The following HACD1 variants were observed in gnomAD, a reference collection of about 807,000 sequenced individuals.
HACD1 encodes 3-hydroxyacyl-CoA dehydratase 1.
A neutral mutation model predicts 32.0 loss-of-function variants in HACD1; 41 were observed. The ratio of observed to expected loss-of-function variants is 1.28; its 90% CI spans 1.00 to 1.66. The LOEUF (loss-of-function observed/expected upper bound fraction) is 1.66. Among genes scored for constraint, HACD1 ranks in the 40% most tolerant of loss-of-function variants. The pLI, the probability that HACD1 is intolerant of heterozygous loss-of-function variation, is 0.00. For synonymous variants in HACD1, 142 were observed against 139.0 expected, an observed-to-expected ratio of 1.02 and a Z score of -0.15; for missense variants, 396 against 380.1, an observed-to-expected ratio of 1.04 and a Z score of -0.35.
chr10:17,591,976 A>AATT (rs1833933560), intron 6 of HACD1, among the ~76,000 whole-genome samples: 2 of 96,942 alleles, frequency 2.1e-5, no homozygotes, highest in African/African-American at 9.0e-5. Context: ...CCAGCTACTG[A>AATT]TTTTTTTTTT....
chr10:17,598,001 T>C (rs1554816135), intron 5 of HACD1, among the ~76,000 whole-genome samples: 1 of 152,088 alleles, frequency 6.6e-6, no homozygotes, highest in African/African-American at 2.4e-5. Context: ...GGCTCACACC[T>C]GTAATCCTAG....
chr10:17,612,043 C>A (rs1031672568), intron 1 of HACD1, among the ~76,000 whole-genome samples: 9 of 141,770 alleles, frequency 6.3e-5, no homozygotes, highest in Middle Eastern at 3.8e-3. Flanking sequence ...GAGGCTAATG[C>A]AGGAAGTCAC....
chr10:17,591,006 C>T (rs1229476942), intron 6 of HACD1, among the ~76,000 whole-genome samples: 1 of 152,056 alleles, frequency 6.6e-6, no homozygotes, highest in African/African-American at 2.4e-5. Context: ...AACTTAAATA[C>T]CTTGATAAAA....
chr10:17,613,045 T>C (rs1483495916), intron 1 of HACD1, among the ~76,000 whole-genome samples: 3 of 152,112 alleles, frequency 2.0e-5, no homozygotes, highest in Non-Finnish European at 4.4e-5. Context: ...TTTACATTTA[T>C]GTAAAATTTT....
chr10:17,602,405 T>G (rs1437430220), intron 4 of HACD1, among the ~76,000 whole-genome samples: 4 of 152,122 alleles, frequency 2.6e-5, no homozygotes, highest in Non-Finnish European at 4.4e-5. Context: ...TATCTTGACA[T>G]AGCAGCATGG....
rs1239895189 is a variant in HACD1, at chr10:17,603,976, C to G, written c.329G>C (p.Ser110Thr). Residue 110 changes from serine to threonine, a missense_variant, in exon 2 of 7, where the codon AGT (serine) becomes ACT (threonine). By Grantham distance (58) the Ser-to-Thr change is moderately conservative. Coordinates refer to ENST00000361271, the MANE Select transcript of HACD1 (RefSeq NM_014241.4). ...EKGTHRGLYK[S>T]IQKTLKFFQT... Reference sequence around the variant, plus strand: ...GAAAAATTTAAGTGTCTTCTGAATACTTTTATATAAACCTCTGTGTGTTCC... The same window carrying G: ...GAAAAATTTAAGTGTCTTCTGAATAGTTTTATATAAACCTCTGTGTGTTCC... 2 of 1,612,504 alleles carry G rather than the reference C, an allele frequency of 1.2e-6. No individual in the cohort carries two copies. The highest frequency in any genetic ancestry group is 1.7e-6 in the Non-Finnish European group (2 of 1,179,530).
intron 4 of HACD1, among the ~76,000 whole-genome samples, chr10:17,599,840 G>T (rs1433969485): frequency 6.6e-6 from 1 of 152,124 alleles, no homozygotes; most frequent in Non-Finnish European, 1.5e-5. Context: ...CTTGACTACT[G>T]TAACTGTTTC....
intron 4 of HACD1, 46 bp downstream of exon 4, chr10:17,603,514 A>C (rs782257509): frequency 1.4e-6 from 2 of 1,474,608 alleles, no homozygotes; most frequent in Non-Finnish European, 1.9e-6. Context: ...TATGAATGGA[A>C]AGCTTTCCTG....
At chr10:17,599,593 G>C (rs536752822) in intron 4 of HACD1, among the ~76,000 whole-genome samples, 182 bp from the exon 5 acceptor site, 1 of 152,278 alleles carries the variant, frequency 6.6e-6, no homozygotes, top group African/African-American at 2.4e-5. Context: ...GAACTTAAAC[G>C]TATCTTATGC....
rs1203742803 is a variant in HACD1, at chr10:17,614,990, G to C, written c.257+2093C>G. Among the ~76,000 whole-genome samples the C allele has an allele frequency of 2.1e-4, 32 of 152,070 alleles. 1 individual carries two copies. Among genetic ancestry groups the C allele is most frequent in the Non-Finnish European group, 2.6e-4 (18 of 68,012 alleles). On this transcript the variant is annotated intron_variant, in intron 1 of 6. Transcript: ENST00000361271. ...GATGTTCTCGATCTCCTGACCTCGT[G>C]ATCCGCCCACCTCGGCCTTCCAAAG...
At chr10:17,607,989 CA>C (rs1834172294) in intron 1 of HACD1, among the ~76,000 whole-genome samples, 1 of 152,096 alleles carries the variant, frequency 6.6e-6, no homozygotes, top group African/African-American at 2.4e-5. Flanking sequence ...GAAAATATTT[CA>C]AAAGCAACTG....
chr10:17,614,269 AATT>A (rs1554817784), intron 1 of HACD1, among the ~76,000 whole-genome samples: 1 of 152,078 alleles, frequency 6.6e-6, no homozygotes, highest in Non-Finnish European at 1.5e-5. Flanking sequence ...TCTTTACAGA[AATT>A]ATTATTATTA....
intron 1 of HACD1, among the ~76,000 whole-genome samples, chr10:17,616,872 G>A (rs1564513611): frequency 6.6e-6 from 1 of 151,942 alleles, no homozygotes; most frequent in Non-Finnish European, 1.5e-5. Context: ...GCCCCGCCGT[G>A]CACCGTATTA....
chr10:17,609,155 G>GTTTTTT lies in HACD1; in HGVS notation c.258-5114_258-5109dup, dbSNP rs56347429. ...ATTAAAGAAAAAAAATGTGCAAAAG[G>GTTTTTT]TTTTTTTTTTTTTTTTTGAGACAGA... On this transcript the variant is annotated intron_variant, in intron 1 of 6. Coordinates refer to ENST00000361271, the MANE Select transcript of HACD1 (RefSeq NM_014241.4). Among the ~76,000 whole-genome samples the GTTTTTT allele has an allele frequency of 2.3e-5, 3 of 132,122 alleles. 1 individual carries two copies. Among genetic ancestry groups the GTTTTTT allele is most frequent in the African/African-American group, 5.7e-5 (2 of 34,906 alleles). 86.7% of individuals were successfully genotyped at this position (132,122 alleles called of 152,430 possible). A position where few individuals can be genotyped will look rare whatever the true frequency, so the allele number is the denominator to read the frequency against.
chr10:17,600,395 A>G (rs1018141045), intron 4 of HACD1, among the ~76,000 whole-genome samples: 2 of 152,144 alleles, frequency 1.3e-5, no homozygotes, highest in African/African-American at 2.4e-5. Flanking sequence ...GCTGGAGTGC[A>G]GTGGCATGAT....
intron 1 of HACD1, among the ~76,000 whole-genome samples, chr10:17,609,930 C>A (rs1016955596): frequency 6.6e-6 from 1 of 150,712 alleles, no homozygotes; most frequent in Non-Finnish European, 1.5e-5. Flanking sequence ...TTGCAGTGAG[C>A]CGAGGATGCA....
chr10:17,591,487 G>T (rs917383373), intron 6 of HACD1, among the ~76,000 whole-genome samples: 1 of 152,152 alleles, frequency 6.6e-6, no homozygotes, highest in African/African-American at 2.4e-5. Flanking sequence ...TCCTGGCTGG[G>T]TGTAAGGGTA....
intron 1 of HACD1, among the ~76,000 whole-genome samples, chr10:17,608,824 G>A (rs782158742): frequency 4.6e-5 from 7 of 151,984 alleles, no homozygotes; most frequent in African/African-American, 7.3e-5. Flanking sequence ...CCTCTAAACT[G>A]CCTTTTCTAG....
chr10:17,606,901 C>T (rs79083148), intron 1 of HACD1, among the ~76,000 whole-genome samples: 3,107 of 152,114 alleles, frequency 0.02, 48 homozygotes, highest in Middle Eastern at 0.071. Context: ...CCCTATGAGG[C>T]GAGGGTCTTC....
Sources: gnomAD v4.1 joint callset for allele counts (sites outside exome capture counted in the v4.1 genomes callset) on GRCh38, gnomAD v4.1.1 for gene constraint, MANE v1.5 for transcripts, NCBI Gene and HGNC (gene_info 2026-07-23, HGNC 2026-07-21) for gene names.